GCNA: variants seen among roughly 807,000 people sequenced by gnomAD.
GCNA encodes germ cell nuclear acidic protein.
A neutral mutation model predicts 38.8 loss-of-function variants in GCNA; 3 were observed. That is an observed-to-expected ratio of 0.08 (90% CI 0.04 to 0.20). GCNA has a LOEUF of 0.20. Among genes scored for constraint, GCNA ranks in the 10% least tolerant of loss-of-function variants. The pLI is 1.00. For synonymous variants in GCNA, 195 were observed against 240.2 expected (o/e 0.81, Z 1.74); for missense variants, 446 against 578.6 (o/e 0.77, Z 2.35).
chrX:71,583,692 C>CT (rs753557808), intron 2 of GCNA, among the ~76,000 whole-genome samples: 1,174 of 72,527 alleles, frequency 0.016, 19 homozygotes, highest in African/African-American at 0.021. Context: ...CTATTATATT[C>CT]TTTTTTTTTT....
intron 9 of GCNA, among the ~76,000 whole-genome samples, chrX:71,606,770 C>G (rs936128279): frequency 3.6e-5 from 4 of 111,718 alleles, no homozygotes; most frequent in African/African-American, 1.3e-4. Flanking sequence ...AGCAAGGTTT[C>G]TGCTCCAGAC....
chrX:71,603,467 A>G, intron 7 of GCNA, 121 bp from the exon 8 acceptor site: 2 of 1,027,129 alleles, frequency 1.9e-6, no homozygotes, highest in Non-Finnish European at 1.3e-6. Context: ...CTTAACTGCT[A>G]TTCAAAATGT....
chrX:71,612,315 T>A, intron 11 of GCNA, 40 bp from the exon 12 acceptor site: 1 of 677,976 alleles, frequency 1.5e-6, no homozygotes, highest in Non-Finnish European at 2.1e-6. Flanking sequence ...AAAAGAGGAT[T>A]GGTTTTAGTG....
intron 2 of GCNA, among the ~76,000 whole-genome samples, chrX:71,582,795 T>C (rs770801109): frequency 1.8e-5 from 2 of 112,341 alleles, no homozygotes; most frequent in East Asian, 2.8e-4. Flanking sequence ...TAAATATTTA[T>C]GTAGCTAGCC....
intron 2 of GCNA, among the ~76,000 whole-genome samples, chrX:71,590,627 A>C (rs2040620259): frequency 8.9e-6 from 1 of 111,841 alleles, no homozygotes. Flanking sequence ...AAAAGTATAC[A>C]GGCAGCACAG....
At chrX:71,591,944 T>G (rs899702222) in intron 2 of GCNA, among the ~76,000 whole-genome samples, 178 bp from the exon 3 acceptor site, 1 of 112,676 alleles carries the variant, frequency 8.9e-6, no homozygotes, top group Non-Finnish European at 1.9e-5. Context: ...GCTTCCAATT[T>G]TTGTTCACTT....
chrX:71,600,339 C>G (rs760440517), intron 7 of GCNA, among the ~76,000 whole-genome samples: 18 of 111,690 alleles, frequency 1.6e-4, no homozygotes, highest in African/African-American at 5.5e-4. Context: ...AAAACTTCAG[C>G]TACCATTTAC....
At chrX:71,610,991 T>A (rs2040806258) in intron 11 of GCNA, among the ~76,000 whole-genome samples, 172 bp downstream of exon 11, 1 of 112,873 alleles carries the variant, frequency 8.9e-6, no homozygotes, top group Non-Finnish European at 1.9e-5. Context: ...TCACCATCCC[T>A]GTGAATCAAA....
chrX:71,611,683 C>T (rs1192139127), intron 11 of GCNA, among the ~76,000 whole-genome samples: 1 of 111,313 alleles, frequency 9.0e-6, no homozygotes, highest in Non-Finnish European at 1.9e-5. Context: ...CCAAATCCCA[C>T]GGCCATAGCG....
chrX:71,598,522 G>A (rs1033934054), intron 7 of GCNA, among the ~76,000 whole-genome samples: 6 of 111,488 alleles, frequency 5.4e-5, no homozygotes, highest in Non-Finnish European at 1.1e-4. Flanking sequence ...CCATTGAGCT[G>A]CTGGTCTTTG....
intron 4 of GCNA, among the ~76,000 whole-genome samples, chrX:71,594,014 C>T (rs1389779707): frequency 6.3e-5 from 7 of 111,626 alleles, no homozygotes; most frequent in Non-Finnish European, 1.1e-4. Context: ...CCATGCCTGG[C>T]GTCTCTTTCA....
intron 2 of GCNA, among the ~76,000 whole-genome samples, chrX:71,588,699 C>T (rs1602170061): frequency 9.1e-6 from 1 of 110,492 alleles, no homozygotes; most frequent in Non-Finnish European, 1.9e-5. Context: ...TGGTGACACA[C>T]GCCTGTAATC....
intron 1 of GCNA, 39 bp from the exon 2 acceptor site, chrX:71,580,781 G>T: frequency 8.5e-7 from 1 of 1,171,163 alleles, no homozygotes; most frequent in Non-Finnish European, 1.1e-6. Flanking sequence ...GCCGAGTTCT[G>T]GCTTTCTTAA....
rs1446567457 is a variant in GCNA, at chrX:71,604,257, A to C, written c.980A>C (p.Asp327Ala). ...DKSDDSDVPD[D>A]NSDDLEVPVP... ...AGTGATGATTCGGATGTTCCCGATG[A>C]CAATAGTGATGATTTGGAAGTTCCT... is the stretch of plus-strand genomic sequence containing the variant. Residue 327 changes from aspartate (D) to alanine (A), a missense_variant, in exon 8 of 13, where the codon GAC becomes GCC. Around this residue, in one of 7 missense-constraint regions of GCNA, gnomAD observed 160 missense variants for 165.2 expected, o/e 0.97. Coordinates refer to ENST00000373696, the MANE Select transcript of GCNA (RefSeq NM_052957.5). The C allele has an allele frequency of 8.3e-7, 1 of 1,211,486 alleles. No individual in the cohort carries two copies. Among genetic ancestry groups the C allele is most frequent in the African/African-American group, 1.7e-5 (1 of 57,588 alleles).
chrX:71,601,361 C>T (rs1304916098), intron 7 of GCNA, among the ~76,000 whole-genome samples: 1 of 109,527 alleles, frequency 9.1e-6, no homozygotes, highest in African/African-American at 3.3e-5. Context: ...ACAACAACAA[C>T]GAGAAAAAAA....
Position 71,601,540 on chromosome X carries a change from T to G in GCNA, c.311-2048T>G, listed in dbSNP as rs189608542. Among the ~76,000 whole-genome samples the G allele has an allele frequency of 3.5e-3, 387 of 110,500 alleles. 1 individual carries two copies. Among genetic ancestry groups the G allele is most frequent in the African/African-American group, 9.5e-3 (289 of 30,459 alleles). On this transcript the variant is annotated intron_variant, in intron 7 of 12. Transcript: ENST00000373696. ...TTTTCTTTATGCATTCATCTGTTTT[T>G]TTTTGTTTTGTTTTGTTTTTTTGCG...
At chrX:71,612,311 GGA>G in intron 11 of GCNA, 42 bp from the exon 12 acceptor site, 1 of 567,675 alleles carries the variant, frequency 1.8e-6, no homozygotes, top group Non-Finnish European at 2.6e-6. Context: ...AAAAAAAAGA[GGA>G]TTGGTTTTAG....
chrX:71,579,057 G>A (rs1332760536), intron 1 of GCNA, among the ~76,000 whole-genome samples: 1 of 106,359 alleles, frequency 9.4e-6, no homozygotes, highest in South Asian at 4.3e-4. Context: ...ACCATTGGCG[G>A]CCTTGGGGGA....
At chrX:71,599,496 A>G (rs1022914683) in intron 7 of GCNA, among the ~76,000 whole-genome samples, 4 of 111,851 alleles carry the variant, frequency 3.6e-5, no homozygotes, top group African/African-American at 1.3e-4. Flanking sequence ...TACTCCTTAA[A>G]TCAGAAGAGA....
Sources: gnomAD v4.1 joint callset for allele counts (sites outside exome capture counted in the v4.1 genomes callset) on GRCh38, gnomAD v4.1.1 for gene constraint, gnomAD v4.1.1 regional missense constraint, MANE v1.5 for transcripts, NCBI Gene and HGNC (gene_info 2026-07-23, HGNC 2026-07-21) for gene names.